TTC4: variants seen among roughly 807,000 people sequenced by gnomAD.
TTC4 encodes the protein hsp70/Hsp90 co-chaperone CNS1 homolog.
In TTC4, 36 loss-of-function variants were observed where a neutral mutation model predicts 51.9. The ratio of observed to expected loss-of-function variants is 0.69; its 90% CI spans 0.53 to 0.92. TTC4 has a LOEUF of 0.92. Among genes scored for constraint, TTC4 ranks in the 40% least tolerant of loss-of-function variants. TTC4 has a pLI of 0.00. For missense variants in TTC4, 399 were observed against 454.6 expected, an observed-to-expected ratio of 0.88 and a Z score of 1.11; for synonymous variants, 144 against 164.2, an observed-to-expected ratio of 0.88 and a Z score of 0.94.
intron 7 of TTC4, among the ~76,000 whole-genome samples, chr1:54,733,282 T>A (rs1645891208): frequency 6.6e-6 from 1 of 151,822 alleles, no homozygotes; most frequent in Non-Finnish European, 1.5e-5. Flanking sequence ...TAGCCAGGCA[T>A]GGTGGCATGT....
intron 3 of TTC4, among the ~76,000 whole-genome samples, chr1:54,719,054 T>C (rs1645710694): frequency 6.6e-6 from 1 of 152,208 alleles, no homozygotes; most frequent in African/African-American, 2.4e-5. Context: ...GACCAAGGGC[T>C]CAATCTTTAA....
chr1:54,717,835 TTGTGTAA>T lies in TTC4; in HGVS notation c.391+184_391+190del, dbSNP rs1557741018. 9 of 530,238 alleles carry T rather than the reference TTGTGTAA, an allele frequency of 1.7e-5. No individual in the cohort carries two copies. In the African/African-American group the frequency reaches 1.8e-4, roughly 10 times the overall value. The allele number at this position is 530,238 out of a possible 1,614,324, so 32.8% of individuals were successfully genotyped here. A position where few individuals can be genotyped will look rare whatever the true frequency, so the allele number is the denominator to read the frequency against. On this transcript the variant is annotated intron_variant, in intron 3 of 9. Transcript: ENST00000371281. ...ATGATGAAAAGAGAAACAGGATGGA[TTGTGTAA>T]TTCTTACTGTCTCAACCCAAAAAGT...
chr1:54,730,279 C>G (rs1366846763), intron 6 of TTC4, among the ~76,000 whole-genome samples: 1 of 145,354 alleles, frequency 6.9e-6, no homozygotes, highest in Non-Finnish European at 1.5e-5. Context: ...TTGCATAAAT[C>G]CTTTTTTTTT....
chr1:54,736,354 TTTC>T (rs533069659), intron 8 of TTC4, among the ~76,000 whole-genome samples: 2 of 152,054 alleles, frequency 1.3e-5, no homozygotes, highest in East Asian at 3.9e-4. Flanking sequence ...TAACAATGAC[TTTC>T]TTCTTGTTCT....
At chr1:54,717,364 GTTTCC>G in intron 2 of TTC4, 123 bp from the exon 3 acceptor site, 3 of 792,814 alleles carry the variant, frequency 3.8e-6, no homozygotes. Context: ...ATAACATCGA[GTTTCC>G]TTTCCCTATT....
At chr1:54,732,815 G>A (rs1645883911) in intron 7 of TTC4, among the ~76,000 whole-genome samples, 1 of 151,934 alleles carries the variant, frequency 6.6e-6, no homozygotes, top group Non-Finnish European at 1.5e-5. Flanking sequence ...GCTGGGCATG[G>A]TGGCTCATGC....
intron 2 of TTC4, among the ~76,000 whole-genome samples, chr1:54,717,288 T>C (rs1645687847): frequency 6.6e-6 from 1 of 152,228 alleles, no homozygotes; most frequent in Non-Finnish European, 1.5e-5. Flanking sequence ...GTAATCTACC[T>C]TGTAAGATAT....
intron 3 of TTC4, among the ~76,000 whole-genome samples, chr1:54,720,437 CTTTT>C (rs67813981): frequency 7.8e-6 from 1 of 128,764 alleles, no homozygotes; most frequent in Admixed American, 7.8e-5. Context: ...TGACTGCATA[CTTTT>C]TTTTTTTTTT....
intron 4 of TTC4, among the ~76,000 whole-genome samples, 200 bp downstream of exon 4, chr1:54,721,440 C>T (rs1317654819): frequency 2.0e-5 from 3 of 152,050 alleles, no homozygotes; most frequent in Non-Finnish European, 4.4e-5. Context: ...CTAGAAGCCC[C>T]TCATTTTAAA....
rs1316449388 is a variant in TTC4 at position 54,729,377 on chromosome 1, T to C, written c.681+945T>C. 3.9e-5 allele frequency among the ~76,000 whole-genome samples: 6 copies of C among 152,356 alleles called. 1 individual carries two copies. The highest frequency in any genetic ancestry group is 1.4e-4 in the African/African-American group (6 of 41,582). ...AATACCTGCTTTGGGTTAAGTGTTA[T>C]TTAAGCTTCACAGTGGCCTTCTGAA... On this transcript the variant is annotated intron_variant, in intron 6 of 9. Transcript: ENST00000371281.
chr1:54,715,981 C>T lies in TTC4; in HGVS notation c.73C>T (p.Pro25Ser), dbSNP rs1245404995. Reference sequence around the variant, plus strand: ...GTTCCTGGAAAAGTTCCAGAGCCAGCCTTACCGTGGCGGCTTTCATGAGGA... The same window carrying T: ...GTTCCTGGAAAAGTTCCAGAGCCAGTCTTACCGTGGCGGCTTTCATGAGGA... Reference protein sequence around the residue: ...DSFLEKFQSQPYRGGFHEDQW... With the variant: ...DSFLEKFQSQSYRGGFHEDQW... Residue 25 changes from proline (P) to serine (S), a missense_variant, in exon 1 of 10, where the codon CCT becomes TCT. By Grantham distance (74) the Pro-to-Ser change is moderately conservative (BLOSUM62 -1). Coordinates refer to ENST00000371281, the MANE Select transcript of TTC4 (RefSeq NM_004623.5). The T allele has an allele frequency of 6.2e-7, 1 of 1,602,138 alleles. No homozygotes were observed. Among genetic ancestry groups the T allele is most frequent in the Non-Finnish European group, 8.5e-7 (1 of 1,174,478 alleles).
chr1:54,733,780 G>C (rs1227160745), intron 8 of TTC4, 70 bp downstream of exon 8: 1 of 1,001,856 alleles, frequency 1.0e-6, no homozygotes, highest in African/African-American at 1.7e-5. Context: ...TTTTGCGGCG[G>C]GGGAAGCAGT....
chr1:54,716,732 C>A lies in TTC4; in HGVS notation c.229+15C>A. The stretch of plus-strand genomic sequence containing the variant: ...TTCTCCAGAAGGTATCTTAACATGA[C>A]TAATATTTGTTTTGTGTTTCCATTG... On this transcript the variant is annotated intron_variant, in intron 2 of 9. Coordinates refer to ENST00000371281, the MANE Select transcript of TTC4 (RefSeq NM_004623.5). 1 of 1,583,900 alleles carries A rather than the reference C, an allele frequency of 6.3e-7. No homozygotes were observed.
At chr1:54,734,644 C>A (rs944848648) in intron 8 of TTC4, among the ~76,000 whole-genome samples, 3 of 152,138 alleles carry the variant, frequency 2.0e-5, no homozygotes, top group African/African-American at 7.2e-5. Context: ...CCCTCCTTGG[C>A]CTCCAGAAGT....
chr1:54,742,338 C>T lies in TTC4; in HGVS notation c.*825C>T, dbSNP rs1052076694. ...TAGCTGTGTGACTTCTTGCAGTGCC[C>T]CCACCCCATCCCCCCGGGAGAGTGT... On this transcript the variant is annotated 3_prime_UTR_variant, in exon 10 of 10. Coordinates refer to ENST00000371281, the MANE Select transcript of TTC4 (RefSeq NM_004623.5). 3 of 152,478 alleles carry T rather than the reference C, an allele frequency of 2.0e-5. No individual in the cohort carries two copies. Among genetic ancestry groups the T allele is most frequent in the African/African-American group, 7.2e-5 (3 of 41,422 alleles). 9.4% of individuals were successfully genotyped at this position (152,478 alleles called of 1,614,324 possible).
chr1:54,737,567 C>G lies in TTC4; in HGVS notation c.979-15C>G. ...GCCTTTATCTCTGACTCTTGCCCTTCTGTTAATCTTGCAGGTCTACTTTGA... is the reference window on the plus strand; with the variant it reads ...GCCTTTATCTCTGACTCTTGCCCTTGTGTTAATCTTGCAGGTCTACTTTGA... On this transcript the variant is annotated splice_polypyrimidine_tract_variant and intron_variant, in intron 8 of 9. Transcript: ENST00000371281. 6.2e-7 allele frequency: 1 copy of G among 1,612,992 alleles called. No individual in the cohort carries two copies. The highest frequency in any genetic ancestry group is 2.2e-5 in the East Asian group (1 of 44,856).
At chr1:54,726,463 ACT>A (rs778134149) in intron 5 of TTC4, among the ~76,000 whole-genome samples, 3 of 152,100 alleles carry the variant, frequency 2.0e-5, no homozygotes, top group Non-Finnish European at 4.4e-5. Flanking sequence ...CCACTAAAAA[ACT>A]CTTGGAACTA....
At chr1:54,729,746 T>C (rs1645842651) in intron 6 of TTC4, among the ~76,000 whole-genome samples, 1 of 149,854 alleles carries the variant, frequency 6.7e-6, no homozygotes, top group Non-Finnish European at 1.5e-5. Context: ...TTTTTTGAGA[T>C]GGAATGTCTC....
In TTC4 at chr1:54,731,697, C is replaced by T. The variant is rs1645867558; in HGVS notation, c.893C>T (p.Ser298Phe). ...SDFISAFHED[S>F]RFIDHLMVMF... Reference sequence around the variant, plus strand: ...TTCATCTCTGCTTTTCATGAGGACTCCAGGTACTGACTTGCCCAGGAGCCC... The same window carrying T: ...TTCATCTCTGCTTTTCATGAGGACTTCAGGTACTGACTTGCCCAGGAGCCC... Residue 298 changes from serine (S) to phenylalanine (F), a missense_variant, in exon 7 of 10, where the codon TCC becomes TTC. Transcript: ENST00000371281. The T allele has an allele frequency of 6.2e-7, 1 of 1,613,752 alleles. No homozygotes were observed. Among genetic ancestry groups the T allele is most frequent in the Non-Finnish European group, 8.5e-7 (1 of 1,179,882 alleles).
Sources: allele counts gnomAD v4.1 joint callset (sites outside exome capture counted in the v4.1 genomes callset), GRCh38; gene constraint gnomAD v4.1.1; transcripts MANE v1.5; gene names NCBI Gene and HGNC (gene_info 2026-07-23, HGNC 2026-07-21).